Variants in ZSCAN25 observed in about 807,000 individuals in gnomAD.
ZSCAN25 encodes the protein zinc finger and SCAN domain-containing protein 25.
Under a neutral mutation model 38.7 loss-of-function variants are expected in ZSCAN25, and 27 were observed. That is an observed-to-expected ratio of 0.70 (90% CI 0.51 to 0.96). The LOEUF is 0.96. Ranked by LOEUF, ZSCAN25 falls within the 40% of genes least tolerant of loss-of-function variation. ZSCAN25 has a pLI of 0.00. For missense variants in ZSCAN25, 637 were observed against 705.9 expected, an observed-to-expected ratio of 0.90 and a Z score of 1.11; for synonymous variants, 273 against 277.7, an observed-to-expected ratio of 0.98 and a Z score of 0.17.
the ZSCAN25 span, among the ~76,000 whole-genome samples, chr7:99,657,145 T>C: frequency 1.3e-5 from 2 of 152,338 alleles, no homozygotes; most frequent in Middle Eastern, 6.8e-3. Context: ...TGTTTGCTCC[T>C]GCTTCTCTAG....
chr7:99,731,111 A>G, the ZSCAN25 span: 1 of 1,613,926 alleles, frequency 6.2e-7, no homozygotes, highest in South Asian at 1.1e-5. Flanking sequence ...GGGCCCTGGA[A>G]TTCCAAGCTT....
rs1193060370 is a variant in ZSCAN25, at chr7:99,631,363, T to C, written c.*1343T>C. ...GATATTTGTAGGCATTAAAAAAAAA[T>C]ACATTTCTTTAAAAATGAGAAGATG... On this transcript the variant is annotated 3_prime_UTR_variant, in exon 8 of 8. Coordinates refer to ENST00000394152, the MANE Select transcript of ZSCAN25 (RefSeq NM_145115.3). 1 of 984,712 alleles carries C rather than the reference T, an allele frequency of 1.0e-6. No individual in the cohort carries two copies. Among genetic ancestry groups the C allele is most frequent in the Non-Finnish European group, 1.2e-6 (1 of 829,516 alleles). 61.0% of individuals were successfully genotyped at this position (984,712 alleles called of 1,614,324 possible). A position where few individuals can be genotyped will look rare whatever the true frequency, so the allele number is the denominator to read the frequency against.
the ZSCAN25 span, among the ~76,000 whole-genome samples, chr7:99,698,858 A>G: frequency 6.6e-6 from 1 of 152,222 alleles, no homozygotes; most frequent in Non-Finnish European, 1.5e-5. Flanking sequence ...AATGTTAGAC[A>G]ATGGAAACCA....
Position 99,622,641 on chromosome 7 carries a change from G to T in ZSCAN25, c.681+1G>T. 1.2e-6 allele frequency: 2 copies of T among 1,613,866 alleles called. No homozygotes were observed. The highest frequency in any genetic ancestry group is 1.7e-6 in the Non-Finnish European group (2 of 1,179,866). The stretch of plus-strand genomic sequence containing the variant: ...TGGGTTCTTTACTGCTGGATCGCAG[G>T]TGAGCTCTGACTCCCTTTGCAGAAA... On this transcript the variant is annotated splice_donor_variant, in intron 6 of 7. Transcript: ENST00000394152. LOFTEE classifies it high-confidence loss of function.
In ZSCAN25 at chr7:99,624,131, A is replaced by G; in HGVS notation, c.756A>G (p.Ile252Met). 2 of 1,614,048 alleles carry G rather than the reference A, an allele frequency of 1.2e-6. No homozygotes were observed. Among genetic ancestry groups the G allele is most frequent in the Non-Finnish European group, 1.7e-6 (2 of 1,179,992 alleles). ...GGAGGCATGTGACCCCAGCCCAGAT[A>G]GACTGCTTTGGGGAGTATGTGGAAC... ...EEWRHVTPAQIDCFGEYVEPQ... is the reference protein window; with the variant it reads ...EEWRHVTPAQMDCFGEYVEPQ... The change falls in exon 7 of 8, where the codon ATA (isoleucine) becomes ATG (methionine). Residue 252 changes from isoleucine to methionine, a missense_variant. Coordinates refer to ENST00000394152, the MANE Select transcript of ZSCAN25 (RefSeq NM_145115.3).
At chr7:99,734,284 G>A in the ZSCAN25 span, among the ~76,000 whole-genome samples, 3 of 152,156 alleles carry the variant, frequency 2.0e-5, no homozygotes, top group South Asian at 2.1e-4. Context: ...TGTGACAGGC[G>A]GGAAGCCTCC....
the ZSCAN25 span, among the ~76,000 whole-genome samples, chr7:99,639,272 A>G: frequency 1.3e-5 from 2 of 152,190 alleles, no homozygotes; most frequent in African/African-American, 4.8e-5. Context: ...AAGGACTGGA[A>G]CTCCATGGAC....
At chr7:99,620,198 G>A in intron 4 of ZSCAN25, 1 of 708,222 alleles carries the variant, frequency 1.4e-6, no homozygotes, top group Non-Finnish European at 2.3e-6. Context: ...ATGCAGAAGG[G>A]CCTGAAGCCT....
At chr7:99,624,517 CA>C (rs1807293278) in intron 7 of ZSCAN25, 1 of 288,430 alleles carries the variant, frequency 3.5e-6, no homozygotes, top group Non-Finnish European at 6.8e-6. Context: ...TGAGCTTGTT[CA>C]GATATTTATT....
the ZSCAN25 span, among the ~76,000 whole-genome samples, chr7:99,651,139 G>A: frequency 6.6e-6 from 1 of 152,144 alleles, no homozygotes; most frequent in Non-Finnish European, 1.5e-5. Flanking sequence ...GGATGGGGCA[G>A]CTAACATGGA....
the ZSCAN25 span, among the ~76,000 whole-genome samples, chr7:99,645,716 C>CT: frequency 5.7e-4 from 86 of 151,240 alleles, 1 homozygote; most frequent in African/African-American, 1.7e-3. Flanking sequence ...TGATGTTAAG[C>CT]TTTTTTTTTA....
At chr7:99,673,144 G>A in the ZSCAN25 span, among the ~76,000 whole-genome samples, 1 of 152,172 alleles carries the variant, frequency 6.6e-6, no homozygotes, top group East Asian at 1.9e-4. Flanking sequence ...TTGGTGTGGG[G>A]CCCATGGACA....
At chr7:99,681,784 C>A in the ZSCAN25 span, among the ~76,000 whole-genome samples, 1 of 152,098 alleles carries the variant, frequency 6.6e-6, no homozygotes, top group Non-Finnish European at 1.5e-5. Context: ...TGATTGCTTT[C>A]TTTGTGGTAC....
At chr7:99,650,021 A>G in the ZSCAN25 span, 3 of 1,595,040 alleles carry the variant, frequency 1.9e-6, no homozygotes, top group East Asian at 4.5e-5. Context: ...TAAAAAATAT[A>G]TACCCTTCAG....
At chr7:99,651,958 C>T in the ZSCAN25 span, among the ~76,000 whole-genome samples, 2 of 152,154 alleles carry the variant, frequency 1.3e-5, no homozygotes, top group Non-Finnish European at 2.9e-5. Context: ...GAGGACTTCT[C>T]AGGACCTCAG....
chr7:99,655,937 G>A, the ZSCAN25 span, among the ~76,000 whole-genome samples: 1 of 152,190 alleles, frequency 6.6e-6, no homozygotes, highest in East Asian at 1.9e-4. Flanking sequence ...TTTGTATCCT[G>A]ATACTTTGCT....
the ZSCAN25 span, chr7:99,650,321 C>G: frequency 8.3e-7 from 1 of 1,204,616 alleles, no homozygotes; most frequent in Non-Finnish European, 1.2e-6. Context: ...AACAACCCCC[C>G]TCCACCTCCC....
the ZSCAN25 span, chr7:99,652,371 A>T: frequency 2.0e-6 from 1 of 491,876 alleles, no homozygotes; most frequent in Non-Finnish European, 3.6e-6. Context: ...CTGTGGATGG[A>T]TGTAGTTTCG....
the ZSCAN25 span, chr7:99,709,258 G>A: frequency 1.2e-6 from 2 of 1,613,672 alleles, no homozygotes; most frequent in Non-Finnish European, 1.7e-6. Context: ...TAGGTGGGTG[G>A]TGCCTGAAAA....
Sources: gnomAD v4.1 joint callset for allele counts (sites outside exome capture counted in the v4.1 genomes callset) on GRCh38, gnomAD v4.1.1 for gene constraint, MANE v1.5 for transcripts, NCBI Gene and HGNC (gene_info 2026-07-23, HGNC 2026-07-21) for gene names.